The following CHODL variants were observed in gnomAD, a reference collection of about 807,000 sequenced individuals.
CHODL encodes the protein chondrolectin, also known as transmembrane protein MT75.
A neutral mutation model predicts 34.5 loss-of-function variants in CHODL; 29 were observed. The ratio of observed to expected loss-of-function variants is 0.84; its 90% CI spans 0.63 to 1.15. The LOEUF is 1.15. CHODL is among the 50% of genes most tolerant of loss of function. CHODL has a pLI of 0.00. For missense variants in CHODL, 332 were observed against 332.5 expected, an observed-to-expected ratio of 1.00 and a Z score of 0.01; for synonymous variants, 125 against 116.1, an observed-to-expected ratio of 1.08 and a Z score of -0.49.
chr21:17,950,857 GA>G (rs1432840244), intron 1 of CHODL, among the ~76,000 whole-genome samples: 1 of 152,048 alleles, frequency 6.6e-6, no homozygotes, highest in Non-Finnish European at 1.5e-5. Flanking sequence ...AAAAAAGTCT[GA>G]AAAAGAGAAA....
chr21:18,248,867 GTATATA>G (rs1010201278), intron 1 of CHODL, among the ~76,000 whole-genome samples: 1 of 108,638 alleles, frequency 9.2e-6, no homozygotes, highest in Non-Finnish European at 1.6e-5. Context: ...TTGTATATGT[GTATATA>G]TATGTATTGT....
intron 1 of CHODL, among the ~76,000 whole-genome samples, chr21:18,016,407 A>G (rs1002520425): frequency 2.6e-5 from 4 of 152,282 alleles, no homozygotes; most frequent in East Asian, 1.9e-4. Context: ...GAAGCTTGGA[A>G]GCCTCCACCT....
chr21:18,127,395 G>A (rs2065559743), intron 2 of CHODL, among the ~76,000 whole-genome samples: 1 of 152,094 alleles, frequency 6.6e-6, no homozygotes, highest in Non-Finnish European at 1.5e-5. Context: ...TTTTCTGTCT[G>A]GGGCAGAAAA....
At chr21:18,146,096 G>C (rs973683796) in intron 2 of CHODL, among the ~76,000 whole-genome samples, 1 of 151,314 alleles carries the variant, frequency 6.6e-6, no homozygotes, top group Non-Finnish European at 1.5e-5. Context: ...AGCCTCCCGA[G>C]TAGCTGAGAC....
At chr21:17,947,301 C>A (rs1779400682) in intron 1 of CHODL, among the ~76,000 whole-genome samples, 1 of 151,830 alleles carries the variant, frequency 6.6e-6, no homozygotes, top group South Asian at 2.1e-4. Context: ...TTTAAAAATT[C>A]CTGAGACAAA....
At chr21:18,125,509 T>C (rs1418797654) in intron 2 of CHODL, among the ~76,000 whole-genome samples, 2 of 152,156 alleles carry the variant, frequency 1.3e-5, no homozygotes, top group Non-Finnish European at 2.9e-5. Context: ...AAAACGTTTC[T>C]CACTGTGACT....
intron 2 of CHODL, among the ~76,000 whole-genome samples, chr21:18,173,404 A>G (rs2073255216): frequency 6.6e-6 from 1 of 152,156 alleles, no homozygotes; most frequent in Non-Finnish European, 1.5e-5. Flanking sequence ...AATTATAAGA[A>G]GTTTTTATTT....
At chr21:17,981,485 C>T (rs1843330545) in intron 1 of CHODL, among the ~76,000 whole-genome samples, 1 of 152,174 alleles carries the variant, frequency 6.6e-6, no homozygotes, top group South Asian at 2.1e-4. Flanking sequence ...GCTGAGGCCT[C>T]CAAACTCTTG....
At chr21:18,126,790 C>T (rs959415000) in intron 2 of CHODL, among the ~76,000 whole-genome samples, 30 of 152,166 alleles carry the variant, frequency 2.0e-4, no homozygotes, top group African/African-American at 7.0e-4. Flanking sequence ...GCAAATCATT[C>T]TTCAACTCAA....
At chr21:18,032,294 T>C (rs1568852987) in intron 2 of CHODL, among the ~76,000 whole-genome samples, 1 of 152,094 alleles carries the variant, frequency 6.6e-6, no homozygotes, top group Non-Finnish European at 1.5e-5. Flanking sequence ...ATTCAATATA[T>C]ACATGTTTCA....
intron 2 of CHODL, among the ~76,000 whole-genome samples, chr21:18,088,447 G>C (rs1219517592): frequency 1.3e-5 from 2 of 152,162 alleles, no homozygotes; most frequent in Admixed American, 6.5e-5. Context: ...GGGATTCTCT[G>C]TGGGCTCCCT....
intron 1 of CHODL, among the ~76,000 whole-genome samples, chr21:17,994,390 A>C (rs1025937395): frequency 1.3e-5 from 2 of 152,198 alleles, no homozygotes; most frequent in African/African-American, 4.8e-5. Context: ...GTCCTCCAGC[A>C]GCATGTGTGG....
chr21:18,043,207 C>T lies in CHODL; in HGVS notation c.-45+15236C>T, dbSNP rs77051674. On this transcript the variant is annotated intron_variant, in intron 2 of 6. Coordinates refer to the CHODL transcript ENST00000400127. ...CCAGAAAACTCATTGCAGGGCTAGC[C>T]TCAAGGGTGTGCAACCTGTGCAGTC... 2.5e-3 allele frequency among the ~76,000 whole-genome samples: 383 copies of T among 152,028 alleles called. 2 individuals are homozygous for T. Among genetic ancestry groups the T allele is most frequent in the African/African-American group, 9.1e-3 (376 of 41,508 alleles).
intron 2 of CHODL, among the ~76,000 whole-genome samples, chr21:18,063,866 C>T (rs1008455336): frequency 1.3e-5 from 2 of 152,074 alleles, no homozygotes; most frequent in Non-Finnish European, 2.9e-5. Context: ...CTCTCACTCA[C>T]TCTCTCTTTT....
At chr21:18,042,395 A>T (rs1441298067) in intron 2 of CHODL, among the ~76,000 whole-genome samples, 1 of 151,914 alleles carries the variant, frequency 6.6e-6, no homozygotes, top group Non-Finnish European at 1.5e-5. Context: ...AATAAGAGAC[A>T]TGCTTGGTTT....
intron 2 of CHODL, among the ~76,000 whole-genome samples, chr21:18,177,629 A>G (rs572484395): frequency 2.0e-5 from 3 of 152,254 alleles, no homozygotes; most frequent in South Asian, 4.1e-4. Flanking sequence ...ATGCCAGAAA[A>G]TGTGCCAACA....
chr21:18,194,118 T>C (rs573291074), intron 2 of CHODL, among the ~76,000 whole-genome samples: 2 of 152,264 alleles, frequency 1.3e-5, no homozygotes, highest in African/African-American at 4.8e-5. Context: ...AATAGCTACC[T>C]AACTAGCCTC....
rs374514171 is a variant in CHODL at position 18,199,181 on chromosome 21, A to G, written c.-44-57328A>G. 5.3e-5 allele frequency among the ~76,000 whole-genome samples: 8 copies of G among 152,280 alleles called. 1 individual carries two copies. The highest frequency in any genetic ancestry group is 1.9e-4 in the African/African-American group (8 of 41,586). On this transcript the variant is annotated intron_variant, in intron 2 of 6. Transcript: ENST00000400127. ...CAGAACTCCAGAAAATATGCAAAAG[A>G]GGAAAATAAAGTGACTGCTCATAAA...
chr21:18,248,667 A>G, intron 1 of CHODL, among the ~76,000 whole-genome samples: 1 of 103,354 alleles, frequency 9.7e-6, no homozygotes, highest in South Asian at 2.5e-4. Flanking sequence ...ATATATATGT[A>G]TAATACATAT....
Sources: gnomAD v4.1 joint callset for allele counts (sites outside exome capture counted in the v4.1 genomes callset) on GRCh38, gnomAD v4.1.1 for gene constraint, MANE v1.5 for transcripts, NCBI Gene and HGNC (gene_info 2026-07-23, HGNC 2026-07-21) for gene names.